Variants in SMOC2 observed in about 807,000 individuals in gnomAD.
SMOC2 encodes the protein SPARC related modular calcium binding 2, also known as SPARC-related modular calcium-binding protein 2.
A neutral mutation model predicts 61.4 loss-of-function variants in SMOC2; 39 were observed. The ratio of observed to expected loss-of-function variants is 0.64; its 90% CI spans 0.49 to 0.83. The LOEUF is 0.83. Ranked by LOEUF, SMOC2 falls within the 40% of genes least tolerant of loss-of-function variation. The pLI is 0.00. For missense variants in SMOC2, 556 were observed against 592.9 expected, an observed-to-expected ratio of 0.94 and a Z score of 0.65; for synonymous variants, 247 against 239.9, an observed-to-expected ratio of 1.03 and a Z score of -0.27.
At chr6:168,551,079 C>G (rs1784119227) in intron 7 of SMOC2, among the ~76,000 whole-genome samples, 1 of 152,194 alleles carries the variant, frequency 6.6e-6, no homozygotes, top group Non-Finnish European at 1.5e-5. Flanking sequence ...CCATGCTGTT[C>G]TCATGATACT....
intron 7 of SMOC2, among the ~76,000 whole-genome samples, chr6:168,577,089 A>G (rs1784821207): frequency 6.6e-6 from 1 of 152,184 alleles, no homozygotes; most frequent in South Asian, 2.1e-4. Context: ...CTTAAAACCA[A>G]AGTTCCACCA....
chr6:168,605,963 C>T (rs1785675992), intron 8 of SMOC2, among the ~76,000 whole-genome samples: 1 of 152,172 alleles, frequency 6.6e-6, no homozygotes, highest in Non-Finnish European at 1.5e-5. Context: ...CCTTCATAAG[C>T]CCTCGGGCAG....
At chr6:168,637,378 C>T (rs972880408) in intron 9 of SMOC2, among the ~76,000 whole-genome samples, 3 of 152,252 alleles carry the variant, frequency 2.0e-5, no homozygotes, top group Non-Finnish European at 2.9e-5. Context: ...TGAGTTGTGG[C>T]GTCCACAGGA....
chr6:168,625,722 G>T (rs1786391126), intron 9 of SMOC2, among the ~76,000 whole-genome samples: 1 of 152,156 alleles, frequency 6.6e-6, no homozygotes, highest in Non-Finnish European at 1.5e-5. Context: ...TGAGCCCTGG[G>T]CCCCAGGAGC....
chr6:168,495,311 G>T (rs562438766), intron 1 of SMOC2, among the ~76,000 whole-genome samples: 2 of 152,190 alleles, frequency 1.3e-5, no homozygotes, highest in African/African-American at 4.8e-5. Flanking sequence ...AAAGCCCACC[G>T]TGGCAGGTGG....
chr6:168,577,362 G>A (rs1784828727), intron 7 of SMOC2, among the ~76,000 whole-genome samples: 1 of 152,080 alleles, frequency 6.6e-6, no homozygotes, highest in Admixed American at 6.5e-5. Context: ...ATCTAAACAA[G>A]TGCTCTCTCT....
chr6:168,535,095 G>A lies in SMOC2; in HGVS notation c.463+7368G>A, dbSNP rs908189442. Among the ~76,000 whole-genome samples the A allele has an allele frequency of 1.3e-5, 2 of 151,754 alleles. No homozygotes were observed. The highest frequency in any genetic ancestry group is 2.4e-5 in the African/African-American group (1 of 41,324). On this transcript the variant is annotated intron_variant, in intron 4 of 12. Coordinates refer to ENST00000356284, the MANE Select transcript of SMOC2 (RefSeq NM_001166412.2). The surrounding 1 kb of genome is among the most constrained non-coding windows in gnomAD (Gnocchi z 4.6). ...AAGCGATTCTCCTGCCTCTGCCTCC[G>A]GAGTAGCTGGGACTACAGGCACCCG...
rs1784070674 is a variant in SMOC2 at position 168,549,045 on chromosome 6, G to A, written c.563-84G>A. On this transcript the variant is annotated intron_variant, in intron 6 of 12. Coordinates refer to ENST00000356284, the MANE Select transcript of SMOC2 (RefSeq NM_001166412.2). ...TTATGTTGATTTATTTTGGCTGTTGGACTACTTGCTGCACTGCGTAACTAA... is the reference window on the plus strand; with the variant it reads ...TTATGTTGATTTATTTTGGCTGTTGAACTACTTGCTGCACTGCGTAACTAA... 5.9e-6 allele frequency: 6 copies of A among 1,024,602 alleles called. No homozygotes were observed. The East Asian group carries it at 1.4e-4, about 24-fold the overall frequency. 63.5% of individuals were successfully genotyped at this position (1,024,602 alleles called of 1,614,324 possible). A position where few individuals can be genotyped will look rare whatever the true frequency, so the allele number is the denominator to read the frequency against.
At chr6:168,552,858 C>A (rs1784159886) in intron 7 of SMOC2, among the ~76,000 whole-genome samples, 2 of 142,046 alleles carry the variant, frequency 1.4e-5, no homozygotes, top group Admixed American at 7.2e-5. Context: ...TCACTCCAGG[C>A]CCCAGCAGAG....
chr6:168,635,119 A>G (rs1192830603), intron 9 of SMOC2, among the ~76,000 whole-genome samples: 1 of 152,172 alleles, frequency 6.6e-6, no homozygotes, highest in Non-Finnish European at 1.5e-5. Context: ...GCACTTCACG[A>G]GTTCTCTCTT....
intron 7 of SMOC2, among the ~76,000 whole-genome samples, chr6:168,564,869 A>G (rs1784508580): frequency 6.6e-6 from 1 of 152,226 alleles, no homozygotes; most frequent in African/African-American, 2.4e-5. Context: ...TTCTGCTGAC[A>G]TAAGGTTAAC....
At chr6:168,594,822 G>A (rs62422503) in intron 7 of SMOC2, among the ~76,000 whole-genome samples, 46 of 44,974 alleles carry the variant, frequency 1.0e-3, no homozygotes, top group Non-Finnish European at 1.4e-3. Context: ...CCTCCTTCCT[G>A]AGGCCTCACG....
chr6:168,511,967 C>T (rs1783020266), intron 2 of SMOC2, among the ~76,000 whole-genome samples: 1 of 152,138 alleles, frequency 6.6e-6, no homozygotes, highest in South Asian at 2.1e-4. Flanking sequence ...TTGTATTATA[C>T]ATCTGAGGGC....
intron 7 of SMOC2, among the ~76,000 whole-genome samples, chr6:168,560,609 C>T (rs866456525): frequency 0.02 from 284 of 14,300 alleles, 20 homozygotes; most frequent in Non-Finnish European, 0.025. Flanking sequence ...CCCTGAGACA[C>T]GAGGCTCTCA....
intron 11 of SMOC2, among the ~76,000 whole-genome samples, chr6:168,655,228 G>C (rs1430412425): frequency 6.6e-6 from 1 of 151,524 alleles, no homozygotes; most frequent in Non-Finnish European, 1.5e-5. Context: ...GCTCCAACCA[G>C]ATGTTAGGAA....
At chr6:168,592,340 C>A (rs11966826) in intron 7 of SMOC2, among the ~76,000 whole-genome samples, 1 of 95,840 alleles carries the variant, frequency 1.0e-5, no homozygotes, top group Non-Finnish European at 2.4e-5. Context: ...AGAGGATCTC[C>A]GAGCTCCTCC....
intron 7 of SMOC2, among the ~76,000 whole-genome samples, chr6:168,567,385 T>G (rs1031221510): frequency 6.6e-6 from 1 of 152,220 alleles, no homozygotes; most frequent in Non-Finnish European, 1.5e-5. Flanking sequence ...GAAGTTAAAT[T>G]ATGGGTATAT....
intron 1 of SMOC2, among the ~76,000 whole-genome samples, chr6:168,459,265 C>T (rs1240650519): frequency 6.6e-6 from 1 of 152,196 alleles, no homozygotes; most frequent in Non-Finnish European, 1.5e-5. Flanking sequence ...GGGCCTCGTG[C>T]TGTGCAAGCG....
At chr6:168,644,403 A>T (rs534153782) in intron 9 of SMOC2, among the ~76,000 whole-genome samples, 1 of 152,346 alleles carries the variant, frequency 6.6e-6, no homozygotes, top group African/African-American at 2.4e-5. Context: ...GAAAAGACCC[A>T]GCCAAATGCA....
Sources: allele counts gnomAD v4.1 joint callset (sites outside exome capture counted in the v4.1 genomes callset), GRCh38; gene constraint gnomAD v4.1.1; non-coding constraint Gnocchi (gnomAD v3.1); transcripts MANE v1.5; gene names NCBI Gene and HGNC (gene_info 2026-07-23, HGNC 2026-07-21).